The following CHRDL2 variants were observed in gnomAD, a reference collection of about 807,000 sequenced individuals.
CHRDL2 encodes the protein chordin like 2, also known as chordin-like protein 2.
In CHRDL2, 41 loss-of-function variants were observed where a neutral mutation model predicts 54.3. The ratio of observed to expected loss-of-function variants is 0.76; its 90% CI spans 0.59 to 0.98. CHRDL2 has a LOEUF of 0.98. Ranked by LOEUF, CHRDL2 falls within the 50% of genes least tolerant of loss-of-function variation. The probability of loss-of-function intolerance (pLI) is 0.00; values close to 1 mark genes in which losing one functional copy is unlikely to be tolerated. For missense variants in CHRDL2, 518 were observed against 562.4 expected (o/e 0.92, Z 0.80); for synonymous variants, 220 against 224.3 (o/e 0.98, Z 0.17).
intron 1 of CHRDL2, among the ~76,000 whole-genome samples, chr11:74,730,540 A>C (rs1241627998): frequency 6.6e-6 from 1 of 151,042 alleles, no homozygotes; most frequent in African/African-American, 2.4e-5. Context: ...TCCTCCCCCA[A>C]CCCAAAACAC....
chr11:74,721,654 C>T (rs2034502169), intron 1 of CHRDL2, among the ~76,000 whole-genome samples: 1 of 152,272 alleles, frequency 6.6e-6, no homozygotes, highest in Non-Finnish European at 1.5e-5. Flanking sequence ...GACAGGCCGC[C>T]TCAGTTCCTG....
chr11:74,715,209 T>C (rs1262196609), intron 2 of CHRDL2, among the ~76,000 whole-genome samples: 1 of 152,218 alleles, frequency 6.6e-6, no homozygotes, highest in Non-Finnish European at 1.5e-5. Flanking sequence ...GCAGGTCTAC[T>C]GGGTGCCAGG....
intron 2 of CHRDL2, among the ~76,000 whole-genome samples, chr11:74,717,223 G>A (rs1042393693): frequency 6.6e-6 from 1 of 152,188 alleles, no homozygotes; most frequent in Non-Finnish European, 1.5e-5. Context: ...AGATGATGGT[G>A]GCTTGGATTA....
chr11:74,730,689 G>A, intron 1 of CHRDL2, 118 bp downstream of exon 1: 2 of 960,372 alleles, frequency 2.1e-6, no homozygotes, highest in East Asian at 2.6e-5. Context: ...CCACCCCTCC[G>A]GCACAGGTGC....
intron 1 of CHRDL2, among the ~76,000 whole-genome samples, chr11:74,727,072 G>A (rs917082257): frequency 6.6e-6 from 1 of 152,162 alleles, no homozygotes; most frequent in African/African-American, 2.4e-5. Flanking sequence ...CGGAATCAAG[G>A]CAACCACACC....
At chr11:74,725,575 A>C (rs2034561064) in intron 1 of CHRDL2, among the ~76,000 whole-genome samples, 1 of 152,238 alleles carries the variant, frequency 6.6e-6, no homozygotes, top group Non-Finnish European at 1.5e-5. Context: ...CTCATCCCAC[A>C]GTCTGGCTTG....
chr11:74,699,508 G>T (rs2033728859), intron 9 of CHRDL2: 1 of 152,334 alleles, frequency 6.6e-6, no homozygotes, highest in South Asian at 2.1e-4. Context: ...TTGGAAGTGT[G>T]TCACCTATCT....
chr11:74,702,176 A>G (rs1055768152), intron 9 of CHRDL2, among the ~76,000 whole-genome samples: 1 of 151,842 alleles, frequency 6.6e-6, no homozygotes, highest in African/African-American at 2.4e-5. Context: ...GGATCGTTTG[A>G]GCCCAGGAGA....
rs1191078123 is a variant in CHRDL2, at chr11:74,710,211, G to A, written c.432+638C>T. Among the ~76,000 whole-genome samples, 14 of 143,760 alleles carry A rather than the reference G, an allele frequency of 9.7e-5. No homozygotes were observed. In the South Asian group the frequency reaches 1.8e-3, roughly 18 times the overall value. 94.3% of individuals were successfully genotyped at this position (143,760 alleles called of 152,430 possible). A position where few individuals can be genotyped will look rare whatever the true frequency, so the allele number is the denominator to read the frequency against. Reference sequence around the variant, plus strand: ...GGCCTGGGTGAAAGAGCAAGACTCCGTCTCAAAAAAAAAAAAAAAAAATGA... The same window carrying A: ...GGCCTGGGTGAAAGAGCAAGACTCCATCTCAAAAAAAAAAAAAAAAAATGA... On this transcript the variant is annotated intron_variant, in intron 4 of 10. Transcript: ENST00000376332.
intron 3 of CHRDL2, among the ~76,000 whole-genome samples, chr11:74,711,492 G>A: frequency 6.6e-6 from 1 of 152,272 alleles, no homozygotes; most frequent in African/African-American, 2.4e-5. Context: ...GGCCCCCAGA[G>A]CCCCCCTCCC....
intron 1 of CHRDL2, among the ~76,000 whole-genome samples, chr11:74,724,025 A>G (rs1317116110): frequency 6.6e-6 from 1 of 152,220 alleles, no homozygotes; most frequent in Non-Finnish European, 1.5e-5. Flanking sequence ...CATGACTTAA[A>G]ACAAAGTCAC....
chr11:74,697,066 A>G, intron 10 of CHRDL2, 139 bp downstream of exon 10: 1 of 642,250 alleles, frequency 1.6e-6, no homozygotes, highest in Non-Finnish European at 2.8e-6. Flanking sequence ...CACCCGCTGG[A>G]TTCCTGTGCT....
At chr11:74,718,565 T>C (rs909717343) in intron 2 of CHRDL2, among the ~76,000 whole-genome samples, 155 bp downstream of exon 2, 7 of 152,298 alleles carry the variant, frequency 4.6e-5, no homozygotes, top group African/African-American at 1.4e-4. Context: ...TAATCCTATA[T>C]ATTGAGTAGT....
intron 9 of CHRDL2, chr11:74,697,596 G>A (rs536775443): frequency 6.9e-5 from 34 of 494,914 alleles, no homozygotes; most frequent in East Asian, 5.1e-4. Context: ...ACATGTATAC[G>A]TCACCCTGTC....
intron 5 of CHRDL2, 22 bp from the exon 6 acceptor site, chr11:74,706,564 G>T: frequency 6.2e-7 from 1 of 1,613,860 alleles, no homozygotes; most frequent in Non-Finnish European, 8.5e-7. Context: ...AAGGGAAGCT[G>T]GGTCAGCCTC....
At chr11:74,708,620 C>T (rs537453823) in intron 4 of CHRDL2, among the ~76,000 whole-genome samples, 9 of 152,344 alleles carry the variant, frequency 5.9e-5, no homozygotes, top group Middle Eastern at 3.4e-3. Context: ...CAGCCTTCAG[C>T]TTCTGACTCA....
At chr11:74,709,864 C>T (rs995934363) in intron 4 of CHRDL2, among the ~76,000 whole-genome samples, 3 of 152,224 alleles carry the variant, frequency 2.0e-5, no homozygotes, top group African/African-American at 4.8e-5. Context: ...GTAAATAAAT[C>T]GGGAGGGCAG....
intron 5 of CHRDL2, among the ~76,000 whole-genome samples, chr11:74,707,939 T>G (rs1326751359): frequency 6.6e-6 from 1 of 152,068 alleles, no homozygotes; most frequent in Non-Finnish European, 1.5e-5. Flanking sequence ...TCTTACTGCT[T>G]CCTCTACCAC....
chr11:74,726,620 T>G (rs1227197435), intron 1 of CHRDL2, among the ~76,000 whole-genome samples: 2 of 152,094 alleles, frequency 1.3e-5, no homozygotes, highest in African/African-American at 4.8e-5. Flanking sequence ...TCTCCCAGAG[T>G]CCGGCGCCAT....
Sources: allele counts gnomAD v4.1 joint callset (sites outside exome capture counted in the v4.1 genomes callset), GRCh38; gene constraint gnomAD v4.1.1; transcripts MANE v1.5; gene names NCBI Gene and HGNC (gene_info 2026-07-23, HGNC 2026-07-21).